Variants in CCDC33 observed in about 807,000 individuals in gnomAD.
The protein encoded by CCDC33 is coiled-coil domain-containing protein 33.
In CCDC33, 94 loss-of-function variants were observed where a neutral mutation model predicts 91.9. The ratio of observed to expected loss-of-function variants is 1.02; its 90% CI spans 0.87 to 1.21. The LOEUF (loss-of-function observed/expected upper bound fraction) is 1.21. CCDC33 is among the 50% of genes most tolerant of loss of function. The probability of loss-of-function intolerance (pLI) is 0.00; values close to 1 mark genes in which losing one functional copy is unlikely to be tolerated. For synonymous variants in CCDC33, 396 were observed against 374.5 expected (o/e 1.06, Z -0.66); for missense variants, 940 against 935.5 (o/e 1.00, Z -0.06).
chr15:74,300,101 G>A (rs2059763053), intron 11 of CCDC33: 1 of 152,208 alleles, frequency 6.6e-6, no homozygotes, highest in African/African-American at 2.4e-5. Flanking sequence ...ACGGCTCCAT[G>A]ACAAGCACAG....
chr15:74,333,205 C>T (rs1325411659), intron 16 of CCDC33: 1 of 1,561,440 alleles, frequency 6.4e-7, no homozygotes, highest in Admixed American at 1.9e-5. Flanking sequence ...CCTTGGAGAG[C>T]CCTTTTCCAT....
intron 9 of CCDC33, among the ~76,000 whole-genome samples, chr15:74,281,534 A>G (rs567553107): frequency 5.6e-4 from 86 of 152,224 alleles, no homozygotes; most frequent in South Asian, 1.0e-3. Flanking sequence ...ATAGACCTCA[A>G]TGAATGAGAA....
intron 11 of CCDC33, among the ~76,000 whole-genome samples, chr15:74,297,068 G>C (rs764031413): frequency 6.6e-6 from 1 of 152,130 alleles, no homozygotes; most frequent in Non-Finnish European, 1.5e-5. Context: ...CACCTTTCTG[G>C]AACATGTCCC....
chr15:74,280,007 G>A lies in CCDC33; in HGVS notation c.804G>A (p.Gln268=). The A allele has an allele frequency of 1.2e-6, 2 of 1,614,192 alleles. No homozygotes were observed. Among genetic ancestry groups the A allele is most frequent in the Non-Finnish European group, 8.5e-7 (1 of 1,180,026 alleles). ...GGPPEQPLWN[Q]SFLFQGRDGA... ...CCCCAGAGCAGCCCCTGTGGAATCA[G>A]TCCTTCCTCTTCCAAGGCCGAGATG... The change falls in exon 8 of 19, where the codon CAG becomes CAA. Residue 268 remains glutamine (Q), a synonymous_variant. Transcript: ENST00000398814.
upstream of CCDC33, among the ~76,000 whole-genome samples, chr15:74,215,566 AC>A (rs1480652188): frequency 1.2e-3 from 177 of 152,236 alleles, 1 homozygote; most frequent in Admixed American, 2.2e-3. Context: ...AAGTAACTGT[AC>A]ACACACACCA....
Position 74,268,597 on chromosome 15 carries a change from C to A in CCDC33, c.546+139C>A. 6 of 615,216 alleles carry A rather than the reference C, an allele frequency of 9.8e-6. No individual in the cohort carries two copies. The South Asian group carries it at 1.1e-4, about 12-fold the overall frequency. The allele number at this position is 615,216 out of a possible 1,614,324, so 38.1% of individuals were successfully genotyped here. A position where few individuals can be genotyped will look rare whatever the true frequency, so the allele number is the denominator to read the frequency against. On this transcript the variant is annotated intron_variant, in intron 5 of 18. Coordinates refer to ENST00000398814, the MANE Select transcript of CCDC33 (RefSeq NM_025055.5). ...GAGATGTCAAGAATGGAAAAAGCAA[C>A]CAGGCCTTTCCAAAATAGCAAAAGG...
intron 11 of CCDC33, among the ~76,000 whole-genome samples, chr15:74,321,512 C>G (rs1244516202): frequency 6.6e-6 from 1 of 152,086 alleles, no homozygotes; most frequent in East Asian, 1.9e-4. Context: ...TGATCCACCT[C>G]CCTTAGCCTC....
intron 1 of CCDC33, among the ~76,000 whole-genome samples, chr15:74,204,329 G>A (rs939180894): frequency 3.3e-5 from 5 of 152,226 alleles, no homozygotes; most frequent in African/African-American, 1.2e-4. Flanking sequence ...GGGTAAGAGG[G>A]ACTTCAGAAA....
At chr15:74,222,594 G>T (rs1424541745) in intron 2 of CCDC33, among the ~76,000 whole-genome samples, 1 of 150,772 alleles carries the variant, frequency 6.6e-6, no homozygotes, top group East Asian at 2.0e-4. Context: ...GGAAAAAAAG[G>T]AGAAGAAAAG....
At chr15:74,229,006 G>A (rs2074888410) in intron 2 of CCDC33, among the ~76,000 whole-genome samples, 1 of 152,110 alleles carries the variant, frequency 6.6e-6, no homozygotes, top group Non-Finnish European at 1.5e-5. Context: ...GGAGCCCCTC[G>A]GACTTGCTGG....
intron 2 of CCDC33, among the ~76,000 whole-genome samples, chr15:74,261,534 C>T (rs1341906119): frequency 6.6e-6 from 1 of 152,200 alleles, no homozygotes; most frequent in Non-Finnish European, 1.5e-5. Flanking sequence ...GTCTTGCCTC[C>T]CTCCGCAAGG....
upstream of CCDC33, among the ~76,000 whole-genome samples, chr15:74,213,834 G>A (rs146906812): frequency 6.6e-6 from 1 of 152,332 alleles, no homozygotes; most frequent in African/African-American, 2.4e-5. Context: ...GCTGGGTGCT[G>A]AAGGCCCAGG....
chr15:74,284,588 G>GA (rs372224863), intron 10 of CCDC33, among the ~76,000 whole-genome samples: 7 of 150,034 alleles, frequency 4.7e-5, no homozygotes, highest in African/African-American at 1.2e-4. Context: ...AGAAGAAGAA[G>GA]AAAAAAAAAC....
At chr15:74,255,647 T>G (rs1163396849) in intron 2 of CCDC33, among the ~76,000 whole-genome samples, 1 of 152,212 alleles carries the variant, frequency 6.6e-6, no homozygotes, top group Non-Finnish European at 1.5e-5. Flanking sequence ...ATGGTCAGTG[T>G]GGCTAACAAA....
intron 6 of CCDC33, 65 bp from the exon 7 acceptor site, chr15:74,272,706 G>A (rs1428698037): frequency 1.9e-6 from 3 of 1,586,790 alleles, no homozygotes; most frequent in Admixed American, 1.7e-5. Context: ...CTAAGCGGGG[G>A]GCCCTGGGCT....
chr15:74,273,002 C>A, intron 7 of CCDC33, 111 bp downstream of exon 7: 2 of 1,386,584 alleles, frequency 1.4e-6, no homozygotes, highest in Non-Finnish European at 2.0e-6. Context: ...TAAGAGTTGA[C>A]TGAATCCCAC....
intron 1 of CCDC33, among the ~76,000 whole-genome samples, chr15:74,240,228 G>A (rs1370430677): frequency 1.3e-5 from 2 of 152,246 alleles, no homozygotes; most frequent in Non-Finnish European, 2.9e-5. Flanking sequence ...AGAAGGGAAG[G>A]CTGTCCCCGA....
At chr15:74,330,422 AG>A (rs1330582225) in intron 12 of CCDC33, 68 bp downstream of exon 12, 2 of 1,464,188 alleles carry the variant, frequency 1.4e-6, no homozygotes, top group East Asian at 4.9e-5. Flanking sequence ...GTTGTGCAAT[AG>A]GGTGGCTGGG....
intron 2 of CCDC33, among the ~76,000 whole-genome samples, chr15:74,261,382 A>T (rs2076019201): frequency 6.6e-6 from 1 of 152,198 alleles, no homozygotes. Flanking sequence ...GCTGGGAAGA[A>T]CCATGTTGGT....
Sources: allele counts gnomAD v4.1 joint callset (sites outside exome capture counted in the v4.1 genomes callset), GRCh38; gene constraint gnomAD v4.1.1; transcripts MANE v1.5; gene names NCBI Gene and HGNC (gene_info 2026-07-23, HGNC 2026-07-21).